LHFPL2: variants seen among roughly 807,000 people sequenced by gnomAD.
LHFPL2 encodes the protein LHFPL tetraspan subfamily member 2 protein.
Under a neutral mutation model 17.5 loss-of-function variants are expected in LHFPL2, and 7 were observed. The observed-to-expected ratio is 0.40, with a 90% CI of 0.23 to 0.75. The LOEUF (loss-of-function observed/expected upper bound fraction) is 0.75. LHFPL2 is among the 30% of genes least tolerant of loss of function. The probability of loss-of-function intolerance (pLI) is 0.37; values close to 1 mark genes in which losing one functional copy is unlikely to be tolerated. For synonymous variants in LHFPL2, 134 were observed against 116.2 expected (o/e 1.15, Z -0.99); for missense variants, 241 against 294.8 (o/e 0.82, Z 1.34).
chr5:78,498,084 G>T (rs1754662217), intron 4 of LHFPL2, among the ~76,000 whole-genome samples: 1 of 152,276 alleles, frequency 6.6e-6, no homozygotes, highest in Middle Eastern at 3.4e-3. Context: ...ATACGTGGGG[G>T]AATGAGGTGA....
chr5:78,591,995 G>C (rs1743642914), intron 2 of LHFPL2, among the ~76,000 whole-genome samples: 1 of 152,256 alleles, frequency 6.6e-6, no homozygotes, highest in East Asian at 1.9e-4. Context: ...GGGCTGGGAA[G>C]TGGGCACTAT....
intron 4 of LHFPL2, among the ~76,000 whole-genome samples, chr5:78,505,218 G>A (rs1754896219): frequency 6.6e-6 from 1 of 152,198 alleles, no homozygotes. Flanking sequence ...ACAACCTAAG[G>A]AAGACAGCTG....
At position 78,517,576 on chromosome 5, in the gene LHFPL2, G is replaced by A. The variant is rs557780949; in HGVS notation, c.-185-7178C>T. ...AATCATGGAAGAAGGTGAATGAGGAGCAAAGGTACACCTTACATGGCAGCA... is the reference window on the plus strand; with the variant it reads ...AATCATGGAAGAAGGTGAATGAGGAACAAAGGTACACCTTACATGGCAGCA... On this transcript the variant is annotated intron_variant, in intron 3 of 4. Transcript: ENST00000380345. Among the ~76,000 whole-genome samples the A allele has an allele frequency of 7.9e-5, 12 of 152,320 alleles. No homozygotes were observed. The South Asian group carries it at 2.3e-3, about 29-fold the overall frequency.
intron 3 of LHFPL2, among the ~76,000 whole-genome samples, chr5:78,516,882 T>G (rs936133201): frequency 6.6e-6 from 1 of 152,202 alleles, no homozygotes. Context: ...TCTGTTTTCA[T>G]AAATCTCTAT....
chr5:78,581,829 GT>G (rs1389482022), intron 2 of LHFPL2, among the ~76,000 whole-genome samples: 1 of 150,848 alleles, frequency 6.6e-6, no homozygotes, highest in Non-Finnish European at 1.5e-5. Flanking sequence ...AGGATTCCCT[GT>G]TTTTCTATTG....
chr5:78,633,424 C>T (rs1457979238), intron 1 of LHFPL2, among the ~76,000 whole-genome samples: 1 of 152,168 alleles, frequency 6.6e-6, no homozygotes, highest in African/African-American at 2.4e-5. Context: ...AGCAGCATCA[C>T]CTGGGAACGT....
intron 2 of LHFPL2, among the ~76,000 whole-genome samples, chr5:78,594,992 G>A (rs1743773142): frequency 6.6e-6 from 1 of 152,202 alleles, no homozygotes; most frequent in Non-Finnish European, 1.5e-5. Context: ...CTGGGGACCA[G>A]CCTGGCTGGC....
intron 2 of LHFPL2, among the ~76,000 whole-genome samples, chr5:78,566,749 C>A (rs1046506484): frequency 2.0e-5 from 3 of 152,204 alleles, no homozygotes; most frequent in Admixed American, 1.3e-4. Context: ...TGAGCCACTG[C>A]GCCCGGCGAA....
intron 3 of LHFPL2, among the ~76,000 whole-genome samples, chr5:78,561,217 C>A (rs960799874): frequency 2.0e-5 from 3 of 152,150 alleles, no homozygotes; most frequent in Admixed American, 2.0e-4. Flanking sequence ...GAAAGTTGTT[C>A]CAAACATACT....
At chr5:78,643,694 C>T (rs531665141) in intron 1 of LHFPL2, among the ~76,000 whole-genome samples, 5 of 152,266 alleles carry the variant, frequency 3.3e-5, no homozygotes, top group East Asian at 1.9e-4. Flanking sequence ...TGTGCACCAA[C>T]GACAGCCTGC....
intron 2 of LHFPL2, among the ~76,000 whole-genome samples, chr5:78,580,409 A>C (rs1351335093): frequency 1.3e-5 from 2 of 151,902 alleles, no homozygotes; most frequent in East Asian, 3.9e-4. Context: ...TTTAGACATG[A>C]AGTCCTTGCC....
At chr5:78,609,450 C>CAAAAAAAAAAAAAAAAAA (rs71613975) in intron 2 of LHFPL2, among the ~76,000 whole-genome samples, 11 of 40,682 alleles carry the variant, frequency 2.7e-4, no homozygotes, top group African/African-American at 8.6e-4. Flanking sequence ...GACTCAGTCT[C>CAAAAAAAAAAAAAAAAAA]AAAAAAAAAA....
chr5:78,558,456 TG>T (rs1022575504), intron 3 of LHFPL2, among the ~76,000 whole-genome samples: 60 of 152,330 alleles, frequency 3.9e-4, no homozygotes, highest in Admixed American at 2.8e-3. Context: ...ATCTACCTGC[TG>T]GGAGATTTGC....
At chr5:78,492,535 G>A (rs551343952) in intron 4 of LHFPL2, among the ~76,000 whole-genome samples, 9 of 152,308 alleles carry the variant, frequency 5.9e-5, no homozygotes, top group Non-Finnish European at 7.3e-5. Flanking sequence ...TTTCCACAGC[G>A]TGCTGAGCCC....
chr5:78,586,857 C>T (rs758059722), intron 2 of LHFPL2, among the ~76,000 whole-genome samples: 7 of 152,198 alleles, frequency 4.6e-5, no homozygotes, highest in Non-Finnish European at 8.8e-5. Context: ...TTCCACACAA[C>T]AAAAACTAGA....
chr5:78,594,641 G>A (rs958505104), intron 2 of LHFPL2, among the ~76,000 whole-genome samples: 1 of 152,194 alleles, frequency 6.6e-6, no homozygotes, highest in Non-Finnish European at 1.5e-5. Flanking sequence ...TTTGGGTAGG[G>A]ATTCTATAAT....
rs1316473461 is a variant in LHFPL2, at chr5:78,486,387, T to C, written c.*2510A>G. On this transcript the variant is annotated 3_prime_UTR_variant, in exon 5 of 5. Coordinates refer to ENST00000380345, the MANE Select transcript of LHFPL2 (RefSeq NM_005779.3). Reference sequence around the variant, plus strand: ...TTTCCTGGTAGTAATAATGGTCCTATTTATTAGAAAAATAAGTGTGAGCCA... The same window carrying C: ...TTTCCTGGTAGTAATAATGGTCCTACTTATTAGAAAAATAAGTGTGAGCCA... 1 of 152,210 alleles carries C rather than the reference T, an allele frequency of 6.6e-6. No individual in the cohort carries two copies. The highest frequency in any genetic ancestry group is 2.4e-5 in the African/African-American group (1 of 41,454). 9.4% of individuals were successfully genotyped at this position (152,210 alleles called of 1,614,324 possible). A position where few individuals can be genotyped will look rare whatever the true frequency, so the allele number is the denominator to read the frequency against.
chr5:78,503,154 C>CTT (rs1754825493), intron 4 of LHFPL2, among the ~76,000 whole-genome samples: 1 of 152,190 alleles, frequency 6.6e-6, no homozygotes, highest in African/African-American at 2.4e-5. Flanking sequence ...AGAATACCAC[C>CTT]TTTGCATTAA....
At chr5:78,579,057 C>T (rs1162457872) in intron 2 of LHFPL2, among the ~76,000 whole-genome samples, 1 of 152,202 alleles carries the variant, frequency 6.6e-6, no homozygotes, top group Non-Finnish European at 1.5e-5. Context: ...TTAACTTGAA[C>T]CCAGTATCAA....
Sources: gnomAD v4.1 joint callset for allele counts (sites outside exome capture counted in the v4.1 genomes callset) on GRCh38, gnomAD v4.1.1 for gene constraint, MANE v1.5 for transcripts, NCBI Gene and HGNC (gene_info 2026-07-23, HGNC 2026-07-21) for gene names.